The following RBM20 variants were observed in gnomAD, a reference collection of about 807,000 sequenced individuals.
RBM20 encodes RNA-binding protein 20.
In RBM20, 51 loss-of-function variants were observed where a neutral mutation model predicts 110.1. The ratio of observed to expected loss-of-function variants is 0.46; its 90% CI spans 0.37 to 0.59. The LOEUF is 0.59. Ranked by LOEUF, RBM20 falls within the 20% of genes least tolerant of loss-of-function variation. RBM20 has a pLI of 0.00. For missense variants in RBM20, 1,512 were observed against 1,574.9 expected, an observed-to-expected ratio of 0.96 and a Z score of 0.68; for synonymous variants, 589 against 618.2, an observed-to-expected ratio of 0.95 and a Z score of 0.70.
intron 5 of RBM20, among the ~76,000 whole-genome samples, chr10:110,789,343 A>G (rs1022682920): frequency 1.3e-5 from 2 of 152,160 alleles, no homozygotes; most frequent in East Asian, 3.9e-4. Flanking sequence ...ACTTGGCTGC[A>G]TTTAAACTTC....
At chr10:110,679,683 C>A (rs1862394134) in intron 1 of RBM20, among the ~76,000 whole-genome samples, 1 of 152,218 alleles carries the variant, frequency 6.6e-6, no homozygotes, top group Non-Finnish European at 1.5e-5. Flanking sequence ...GCCCCTGGAT[C>A]CTCTCTGAAG....
intron 1 of RBM20, among the ~76,000 whole-genome samples, chr10:110,661,642 A>G (rs1862103291): frequency 6.6e-6 from 1 of 152,196 alleles, no homozygotes; most frequent in African/African-American, 2.4e-5. Context: ...CTTCTCTGTA[A>G]GAAAGCAGGG....
At chr10:110,755,060 A>C (rs749832451) in intron 1 of RBM20, among the ~76,000 whole-genome samples, 10 of 152,160 alleles carry the variant, frequency 6.6e-5, no homozygotes, top group Non-Finnish European at 1.2e-4. Context: ...AATCTGGATG[A>C]GGGCAGGCCT....
intron 7 of RBM20, among the ~76,000 whole-genome samples, chr10:110,806,809 A>G (rs765706449): frequency 2.0e-5 from 3 of 152,018 alleles, no homozygotes; most frequent in Admixed American, 6.6e-5. Flanking sequence ...TCCCATTTCA[A>G]TTTTTCTGGG....
In RBM20 at chr10:110,742,856, CAT is replaced by C. The variant is rs557812040; in HGVS notation, c.192-37943_192-37942del. Among the ~76,000 whole-genome samples the C allele has an allele frequency of 1.3e-4, 20 of 152,350 alleles. No individual in the cohort carries two copies. In the East Asian group the frequency reaches 2.5e-3, roughly 19 times the overall value. ...TTGAGTAGAGGGCTGATGCTAGAAA[CAT>C]AAAGAGATTCATCTGCATCTTCTTC... On this transcript the variant is annotated intron_variant, in intron 1 of 13. Coordinates refer to ENST00000369519, the MANE Select transcript of RBM20 (RefSeq NM_001134363.3).
chr10:110,749,961 A>T (rs1357448315), intron 1 of RBM20, among the ~76,000 whole-genome samples: 1 of 152,200 alleles, frequency 6.6e-6, no homozygotes, highest in East Asian at 1.9e-4. Context: ...GGATCCAAAA[A>T]ACACAACTCA....
intron 1 of RBM20, among the ~76,000 whole-genome samples, chr10:110,746,667 C>CT (rs1374800304): frequency 6.6e-6 from 1 of 152,166 alleles, no homozygotes; most frequent in Non-Finnish European, 1.5e-5. Context: ...GCAGGCAGTG[C>CT]TACCTATGGA....
Position 110,781,536 on chromosome 10 carries a change from G to GCCACTGCT in RBM20, c.928_935dup (p.Gln313HisfsTer90). The GCCACTGCT allele has an allele frequency of 1.3e-6, 2 of 1,551,664 alleles. No homozygotes were observed. The highest frequency in any genetic ancestry group is 1.7e-6 in the Non-Finnish European group (2 of 1,146,992). ...CTGGGGGCCTGAAAAGTGAGGTCGGGCCACTGCTGCAGGGCACAAACAGCC... is the reference window on the plus strand; with the variant it reads ...CTGGGGGCCTGAAAAGTGAGGTCGGGCCACTGCTCCACTGCTGCAGGGCACAAACAGCC... On this transcript the variant is annotated frameshift_variant, in exon 2 of 14. Transcript: ENST00000369519. LOFTEE classifies it high-confidence loss of function.
At chr10:110,732,436 A>G (rs975775049) in intron 1 of RBM20, among the ~76,000 whole-genome samples, 10 of 152,162 alleles carry the variant, frequency 6.6e-5, no homozygotes, top group African/African-American at 2.4e-4. Context: ...TCTCCTTCAG[A>G]TGATTTCAAT....
At chr10:110,771,497 A>G (rs952950176) in intron 1 of RBM20, among the ~76,000 whole-genome samples, 2 of 152,210 alleles carry the variant, frequency 1.3e-5, no homozygotes, top group Non-Finnish European at 2.9e-5. Flanking sequence ...GTGGTGTGGG[A>G]CACATATAGT....
At chr10:110,677,212 C>T (rs936805598) in intron 1 of RBM20, among the ~76,000 whole-genome samples, 16 of 152,282 alleles carry the variant, frequency 1.1e-4, no homozygotes, top group African/African-American at 3.6e-4. Context: ...CAGTCCCACT[C>T]TCATAATAAC....
intron 1 of RBM20, among the ~76,000 whole-genome samples, chr10:110,671,451 A>G (rs545447476): frequency 1.3e-5 from 2 of 152,330 alleles, no homozygotes; most frequent in South Asian, 4.1e-4. Context: ...ACTAAGCGGA[A>G]CCACTCTGCC....
chr10:110,662,010 AG>A (rs201412272), intron 1 of RBM20, among the ~76,000 whole-genome samples: 2 of 138,554 alleles, frequency 1.4e-5, no homozygotes, highest in African/African-American at 2.7e-5. Context: ...GACTGGTCTC[AG>A]GAAAAAAAAA....
chr10:110,704,042 G>A (rs1202171334), intron 1 of RBM20, among the ~76,000 whole-genome samples: 1 of 152,210 alleles, frequency 6.6e-6, no homozygotes. Context: ...AACCAGCAAA[G>A]TGGAGGTTGC....
intron 1 of RBM20, among the ~76,000 whole-genome samples, chr10:110,671,946 A>G (rs1223621320): frequency 3.3e-5 from 5 of 152,162 alleles, no homozygotes; most frequent in African/African-American, 9.6e-5. Context: ...CATCACCAAA[A>G]TATCACCTGG....
At chr10:110,645,194 T>G (rs1861851955) in intron 1 of RBM20, among the ~76,000 whole-genome samples, 1 of 152,228 alleles carries the variant, frequency 6.6e-6, no homozygotes. Context: ...CCGTTTTCCA[T>G]TAATGTTACC....
intron 9 of RBM20, among the ~76,000 whole-genome samples, chr10:110,813,766 C>T (rs1221166389): frequency 6.8e-6 from 1 of 146,876 alleles, no homozygotes; most frequent in Non-Finnish European, 1.5e-5. Context: ...ACCCGGAAGG[C>T]GGAGGTTGCA....
chr10:110,661,162 T>C (rs1337119581), intron 1 of RBM20, among the ~76,000 whole-genome samples: 1 of 152,224 alleles, frequency 6.6e-6, no homozygotes, highest in Non-Finnish European at 1.5e-5. Context: ...GTGGTGGCAT[T>C]TGTTCCCTCT....
intron 5 of RBM20, among the ~76,000 whole-genome samples, chr10:110,787,752 C>T (rs1022105603): frequency 3.3e-5 from 5 of 152,136 alleles, no homozygotes; most frequent in African/African-American, 9.6e-5. Context: ...TGAGAAGCAA[C>T]GCAGGAAACA....
Sources: allele counts gnomAD v4.1 joint callset (sites outside exome capture counted in the v4.1 genomes callset), GRCh38; gene constraint gnomAD v4.1.1; transcripts MANE v1.5; gene names NCBI Gene and HGNC (gene_info 2026-07-23, HGNC 2026-07-21).